The following CIZ1 variants were observed in gnomAD, a reference collection of about 807,000 sequenced individuals.
CIZ1 encodes the protein cip1-interacting zinc finger protein.
Under a neutral mutation model 118.6 loss-of-function variants are expected in CIZ1, and 58 were observed. The ratio of observed to expected loss-of-function variants is 0.49; its 90% confidence interval spans 0.40 to 0.61. CIZ1 has a LOEUF of 0.61. Ranked by LOEUF, CIZ1 falls within the 20% of genes least tolerant of loss-of-function variation. The probability of loss-of-function intolerance (pLI) is 0.00; values close to 1 mark genes in which losing one functional copy is unlikely to be tolerated. For missense variants in CIZ1, 921 were observed against 1,115.9 expected, an observed-to-expected ratio of 0.83 and a Z score of 2.49; for synonymous variants, 448 against 443.4, an observed-to-expected ratio of 1.01 and a Z score of -0.13.
At chr9:128,195,127 A>G (rs1833346032), upstream of CIZ1, among the ~76,000 whole-genome samples, 1 of 152,160 alleles carries the variant, frequency 6.6e-6, no homozygotes, top group Non-Finnish European at 1.5e-5. Context: ...CAGCCAAAAC[A>G]TTATTTATAA....
At chr9:128,181,185 G>A (rs145840949) in intron 5 of CIZ1, among the ~76,000 whole-genome samples, 10,468 of 151,812 alleles carry the variant, frequency 0.069, 746 homozygotes, top group East Asian at 0.43. Context: ...GCACAATCCC[G>A]GCTCACTGCA....
chr9:128,182,518 C>A (rs1831796974), intron 5 of CIZ1, among the ~76,000 whole-genome samples: 1 of 152,182 alleles, frequency 6.6e-6, no homozygotes. Flanking sequence ...CTTCCTGCAG[C>A]CCTGGTGCAC....
intron 3 of CIZ1, among the ~76,000 whole-genome samples, chr9:128,189,112 T>G (rs982700296): frequency 4.6e-5 from 7 of 152,098 alleles, no homozygotes; most frequent in Middle Eastern, 3.2e-3. Flanking sequence ...AATTTTTGTA[T>G]TTTTAATAGA....
chr9:128,177,605 G>C lies in CIZ1; in HGVS notation c.1779C>G (p.Phe593Leu). 1 of 1,455,052 alleles carries C rather than the reference G, an allele frequency of 6.9e-7. No homozygotes were observed. Among genetic ancestry groups the C allele is most frequent in the East Asian group, 2.9e-5 (1 of 34,834 alleles). 90.1% of individuals were successfully genotyped at this position (1,455,052 alleles called of 1,614,324 possible). A position where few individuals can be genotyped will look rare whatever the true frequency, so the allele number is the denominator to read the frequency against. ...TSTPSKQALQFFCYICKASCS... is the reference protein window; with the variant it reads ...TSTPSKQALQLFCYICKASCS... ...AGCTGGCCTTGCAGATGTAGCAGAA[G>C]AACTGGAGGGCCTGCTTAGAGGGAG... is the stretch of plus-strand genomic sequence containing the variant. The change falls in exon 10 of 17, where the codon TTC becomes TTG. Residue 593 changes from phenylalanine to leucine, a missense_variant. Coordinates refer to ENST00000372938, the MANE Select transcript of CIZ1 (RefSeq NM_001131016.2).
At chr9:128,184,013 C>T (rs776767638) in intron 5 of CIZ1, among the ~76,000 whole-genome samples, 1 of 152,196 alleles carries the variant, frequency 6.6e-6, no homozygotes, top group Non-Finnish European at 1.5e-5. Context: ...AATGATCTGC[C>T]CTCCTCAGCC....
At chr9:128,190,932 C>T (rs2131029368) in intron 1 of CIZ1, 70 bp from the exon 2 acceptor site, 2 of 1,469,576 alleles carry the variant, frequency 1.4e-6, no homozygotes, top group Non-Finnish European at 1.8e-6. Flanking sequence ...TCCCATCCAC[C>T]GCCACTCCCC....
intron 11 of CIZ1, among the ~76,000 whole-genome samples, chr9:128,173,085 C>T (rs1440952215): frequency 6.6e-6 from 1 of 151,682 alleles, no homozygotes; most frequent in South Asian, 2.1e-4. Flanking sequence ...CCACCTCAGC[C>T]TCCTAAGTAG....
intron 11 of CIZ1, among the ~76,000 whole-genome samples, chr9:128,170,952 C>T (rs959699395): frequency 1.3e-5 from 2 of 151,506 alleles, no homozygotes; most frequent in Admixed American, 1.3e-4. Context: ...ACAGCAAGAC[C>T]CCATCTCTAC....
chr9:128,182,926 C>T (rs1831869090), intron 5 of CIZ1, among the ~76,000 whole-genome samples: 1 of 152,108 alleles, frequency 6.6e-6, no homozygotes. Context: ...ACCCGGCCTC[C>T]ACAGTCTTAA....
intron 9 of CIZ1, among the ~76,000 whole-genome samples, chr9:128,177,965 C>G (rs982666353): frequency 6.6e-6 from 1 of 152,158 alleles, no homozygotes; most frequent in African/African-American, 2.4e-5. Flanking sequence ...GCCTAAAGTA[C>G]CACTCATCCC....
chr9:128,181,772 G>A lies in CIZ1; in HGVS notation c.589-958C>T, dbSNP rs949621625. On this transcript the variant is annotated intron_variant, in intron 5 of 16. Coordinates refer to ENST00000372938, the MANE Select transcript of CIZ1 (RefSeq NM_001131016.2). ...TAGCAGACCAGGAAAGGCGGGGGGGGGGGGGGGGTCTCCCTTTCCCCGAGG... is the reference window on the plus strand; with the variant it reads ...TAGCAGACCAGGAAAGGCGGGGGGGAGGGGGGGGTCTCCCTTTCCCCGAGG... 1.8e-4 allele frequency among the ~76,000 whole-genome samples: 28 copies of A among 151,900 alleles called. 1 individual carries two copies. Among genetic ancestry groups the A allele is most frequent in the African/African-American group, 6.0e-4 (25 of 41,390 alleles).
In CIZ1 at chr9:128,174,019, A is replaced by AAC. The variant is rs1554754797; in HGVS notation, c.1943+2331_1943+2332insGT. ...AGACTCCATCTCAAAAACAAAACAA[A>AAC]AAAACAAAAAAAAAAAACAAAGAAA... is the stretch of plus-strand genomic sequence containing the variant. On this transcript the variant is annotated intron_variant, in intron 11 of 16. Transcript: ENST00000372938. 3.8e-5 allele frequency among the ~76,000 whole-genome samples: 5 copies of AAC among 130,712 alleles called. No homozygotes were observed. The East Asian group carries it at 1.0e-3, about 27-fold the overall frequency. The allele number at this position is 130,712 out of a possible 152,430, so 85.8% of individuals were successfully genotyped here.
At chr9:128,194,871 G>A (rs962422966), upstream of CIZ1, among the ~76,000 whole-genome samples, 1 of 152,066 alleles carries the variant, frequency 6.6e-6, no homozygotes, top group African/African-American at 2.4e-5. Context: ...AGTCTGGAGC[G>A]CAGTGGCACG....
In CIZ1 at chr9:128,191,508, GGGC is replaced by G; in HGVS notation, c.-85_-83del. 1.0e-6 allele frequency: 1 copy of G among 1,003,318 alleles called. No homozygotes were observed. The highest frequency in any genetic ancestry group is 1.2e-6 in the Non-Finnish European group (1 of 841,502). The allele number at this position is 1,003,318 out of a possible 1,614,324, so 62.2% of individuals were successfully genotyped here. The stretch of plus-strand genomic sequence containing the variant: ...GCCCCGCAGCCCCCACGCCTCGGCC[GGGC>G]GGCTCCGGCCCGCGGGCTCCCGGCC... On this transcript the variant is annotated 5_prime_UTR_variant, in exon 1 of 17. Coordinates refer to ENST00000372938, the MANE Select transcript of CIZ1 (RefSeq NM_001131016.2). The surrounding 1 kb of genome is among the most constrained non-coding windows in gnomAD (Gnocchi z 5.5).
At position 128,179,091 on chromosome 9, in the gene CIZ1, C is replaced by T; in HGVS notation, c.1116G>A (p.Gln372=). Residue 372 remains glutamine (Q), a synonymous_variant, in exon 8 of 17, where the codon CAG becomes CAA. Coordinates refer to ENST00000372938, the MANE Select transcript of CIZ1 (RefSeq NM_001131016.2). ...QPQLQQEAEP[Q]KQVQPQVQPQ... The stretch of plus-strand genomic sequence containing the variant: ...GCTGTACCTGTGGCTGCACCTGCTT[C>T]TGTGGCTCTGCCTCCTGCTGCAGCT... The T allele has an allele frequency of 6.2e-7, 1 of 1,613,938 alleles. No homozygotes were observed. Among genetic ancestry groups the T allele is most frequent in the South Asian group, 1.1e-5 (1 of 91,080 alleles).
At chr9:128,182,326 G>A (rs1831771497) in intron 5 of CIZ1, among the ~76,000 whole-genome samples, 2 of 152,082 alleles carry the variant, frequency 1.3e-5, no homozygotes, top group Admixed American at 6.5e-5. Flanking sequence ...AGGGAGAGAC[G>A]CACCGACCCT....
chr9:128,182,919 C>T (rs1210098402), intron 5 of CIZ1, among the ~76,000 whole-genome samples: 2 of 152,084 alleles, frequency 1.3e-5, no homozygotes, highest in East Asian at 1.9e-4. Flanking sequence ...TCATTGCACC[C>T]GGCCTCCACA....
At chr9:128,194,232 G>A (rs1418516501), upstream of CIZ1, among the ~76,000 whole-genome samples, 1 of 151,582 alleles carries the variant, frequency 6.6e-6, no homozygotes, top group African/African-American at 2.4e-5. Flanking sequence ...CATGGTGGCA[G>A]ACGCCTGTCA....
intron 1 of CIZ1, among the ~76,000 whole-genome samples, chr9:128,200,700 G>A (rs1254670022): frequency 6.6e-6 from 1 of 151,312 alleles, no homozygotes; most frequent in Non-Finnish European, 1.5e-5. Context: ...AGCTGGGCGT[G>A]GTGGTGCATG....
Sources: allele counts gnomAD v4.1 joint callset (sites outside exome capture counted in the v4.1 genomes callset), GRCh38; gene constraint gnomAD v4.1.1; non-coding constraint Gnocchi (gnomAD v3.1); transcripts MANE v1.5; gene names NCBI Gene and HGNC (gene_info 2026-07-23, HGNC 2026-07-21).